The following STXBP5 variants were observed in gnomAD, a reference collection of about 807,000 sequenced individuals.
STXBP5 encodes the protein syntaxin binding protein 5.
A neutral mutation model predicts 152.4 loss-of-function variants in STXBP5; 50 were observed. That is an observed-to-expected ratio of 0.33 (90% CI 0.26 to 0.42). STXBP5 has a LOEUF of 0.42. STXBP5 is among the 10% of genes least tolerant of loss of function. The probability of loss-of-function intolerance (pLI) is 1.00; values close to 1 mark genes in which losing one functional copy is unlikely to be tolerated. For missense variants in STXBP5, 1,167 were observed against 1,388.6 expected (o/e 0.84, Z 2.54); for synonymous variants, 492 against 494.7 (o/e 0.99, Z 0.07).
chr6:147,353,588 A>G (rs933409047), intron 22 of STXBP5, among the ~76,000 whole-genome samples: 16 of 152,284 alleles, frequency 1.1e-4, no homozygotes, highest in Non-Finnish European at 2.4e-4. Context: ...CCGCAAGAAT[A>G]TATTTTCTTA....
At chr6:147,311,034 C>G (rs1036172134) in intron 10 of STXBP5, among the ~76,000 whole-genome samples, 1 of 152,002 alleles carries the variant, frequency 6.6e-6, no homozygotes, top group African/African-American at 2.4e-5. Flanking sequence ...AGTTGAAATT[C>G]ATTGAGGTGT....
chr6:147,211,458 A>G (rs1274347682), intron 2 of STXBP5, among the ~76,000 whole-genome samples: 1 of 152,216 alleles, frequency 6.6e-6, no homozygotes, highest in Non-Finnish European at 1.5e-5. Context: ...ACAAGATAGC[A>G]TTAGAATATT....
intron 4 of STXBP5, among the ~76,000 whole-genome samples, chr6:147,239,598 A>G (rs1778440118): frequency 6.6e-6 from 1 of 152,180 alleles, no homozygotes. Context: ...TTTACTTAAC[A>G]TATCCCATAG....
intron 24 of STXBP5, 23 bp from the exon 25 acceptor site, chr6:147,363,978 A>G (rs1243379651): frequency 1.9e-6 from 3 of 1,607,568 alleles, no homozygotes; most frequent in Non-Finnish European, 1.7e-6. Context: ...TATTATTAAC[A>G]AGTTTTTAAT....
At chr6:147,240,665 TAAC>T (rs1307507556) in intron 4 of STXBP5, among the ~76,000 whole-genome samples, 17 of 152,302 alleles carry the variant, frequency 1.1e-4, no homozygotes, top group African/African-American at 3.6e-4. Flanking sequence ...AGTATAGTTA[TAAC>T]AACTGTAATA....
At chr6:147,226,578 A>G (rs540871184) in intron 2 of STXBP5, among the ~76,000 whole-genome samples, 25 of 152,330 alleles carry the variant, frequency 1.6e-4, no homozygotes, top group South Asian at 4.1e-4. Flanking sequence ...GTATGACTGT[A>G]TAATAAGCAA....
chr6:147,374,372 AT>A (rs969617239), intron 26 of STXBP5, among the ~76,000 whole-genome samples: 17 of 150,296 alleles, frequency 1.1e-4, no homozygotes, highest in East Asian at 7.8e-4. Context: ...CTATCCTTTG[AT>A]TTTTTTTTTC....
chr6:147,228,196 T>C (rs941797687), intron 2 of STXBP5, among the ~76,000 whole-genome samples: 5 of 151,974 alleles, frequency 3.3e-5, no homozygotes, highest in African/African-American at 1.2e-4. Context: ...TCTTTCACTT[T>C]ATTGGAGCAT....
chr6:147,373,871 A>G lies in STXBP5; in HGVS notation c.3193+29A>G, dbSNP rs533333078. On this transcript the variant is annotated intron_variant, in intron 26 of 27. Coordinates refer to ENST00000321680, the MANE Select transcript of STXBP5 (RefSeq NM_001127715.4). ...AGTTGATTTATTTAATTCGGATAATATATCTATAAAACAGGAACAAGCCAT... is the reference window on the plus strand; with the variant it reads ...AGTTGATTTATTTAATTCGGATAATGTATCTATAAAACAGGAACAAGCCAT... The G allele has an allele frequency of 2.9e-5, 45 of 1,551,000 alleles. 1 individual carries two copies. The South Asian group carries it at 4.7e-4, about 16-fold the overall frequency.
intron 9 of STXBP5, among the ~76,000 whole-genome samples, chr6:147,298,476 G>A (rs1402063065): frequency 1.3e-5 from 2 of 152,038 alleles, no homozygotes; most frequent in African/African-American, 4.8e-5. Context: ...CAATGTAGAC[G>A]AAGTGGATCT....
intron 18 of STXBP5, among the ~76,000 whole-genome samples, chr6:147,328,349 A>G (rs147454920): frequency 3.2e-4 from 49 of 152,320 alleles, no homozygotes; most frequent in Non-Finnish European, 6.5e-4. Context: ...TCATTTGCAG[A>G]ATACCAGTGT....
chr6:147,383,009 C>A lies in STXBP5; in HGVS notation c.3414+11C>A. On this transcript the variant is annotated intron_variant, in intron 27 of 27. Transcript: ENST00000321680. ...AAACATGCTCATGAGGTACGACTCTCAAACAGATATTTGAACAAAAAGCTC... is the reference window on the plus strand; with the variant it reads ...AAACATGCTCATGAGGTACGACTCTAAAACAGATATTTGAACAAAAAGCTC... 2 of 1,612,412 alleles carry A rather than the reference C, an allele frequency of 1.2e-6. No homozygotes were observed. Among genetic ancestry groups the A allele is most frequent in the South Asian group, 1.1e-5 (1 of 91,030 alleles).
chr6:147,212,266 G>A (rs552214762), intron 2 of STXBP5, among the ~76,000 whole-genome samples: 10 of 152,318 alleles, frequency 6.6e-5, no homozygotes, highest in Middle Eastern at 3.4e-3. Context: ...ATTCAAGTCC[G>A]TGCTTTGTAA....
At chr6:147,293,008 T>G (rs1199841588) in intron 9 of STXBP5, 1 of 152,200 alleles carries the variant, frequency 6.6e-6, no homozygotes, top group Non-Finnish European at 1.5e-5. Flanking sequence ...CAATAAATTA[T>G]AATATTGTAC....
intron 5 of STXBP5, 31 bp downstream of exon 5, chr6:147,260,780 A>C (rs1374895629): frequency 6.2e-7 from 1 of 1,609,750 alleles, no homozygotes; most frequent in Non-Finnish European, 8.5e-7. Context: ...TGTATCTGAA[A>C]GCATCAGTTC....
intron 18 of STXBP5, among the ~76,000 whole-genome samples, chr6:147,330,733 G>A (rs1007701403): frequency 1.3e-5 from 2 of 152,132 alleles, no homozygotes; most frequent in Non-Finnish European, 2.9e-5. Context: ...AAGTTAATGA[G>A]GTATTGATAA....
At chr6:147,276,306 C>A (rs1780440887) in intron 7 of STXBP5, among the ~76,000 whole-genome samples, 3 of 151,956 alleles carry the variant, frequency 2.0e-5, no homozygotes, top group African/African-American at 4.8e-5. Context: ...TTGGTTATTT[C>A]TTTGCTTTTT....
At chr6:147,382,408 T>G (rs979566374) in intron 26 of STXBP5, among the ~76,000 whole-genome samples, 3 of 152,156 alleles carry the variant, frequency 2.0e-5, no homozygotes, top group Non-Finnish European at 2.9e-5. Context: ...TAAATTTAAA[T>G]CTGTATATTC....
At chr6:147,245,903 G>A (rs1388191967) in intron 4 of STXBP5, among the ~76,000 whole-genome samples, 1 of 152,174 alleles carries the variant, frequency 6.6e-6, no homozygotes, top group Non-Finnish European at 1.5e-5. Flanking sequence ...CCATCAGAGA[G>A]GGCAGCGCCC....
Sources: gnomAD v4.1 joint callset for allele counts (sites outside exome capture counted in the v4.1 genomes callset) on GRCh38, gnomAD v4.1.1 for gene constraint, MANE v1.5 for transcripts, NCBI Gene and HGNC (gene_info 2026-07-23, HGNC 2026-07-21) for gene names.